The following NRP2 variants were observed in gnomAD, a reference collection of about 807,000 sequenced individuals.
The protein encoded by NRP2 is neuropilin-2.
In NRP2, 52 loss-of-function variants were observed where a neutral mutation model predicts 110.4. The ratio of observed to expected loss-of-function variants is 0.47; its 90% CI spans 0.38 to 0.59. The LOEUF is 0.59. Ranked by LOEUF, NRP2 falls within the 20% of genes least tolerant of loss-of-function variation. NRP2 has a pLI of 0.00. For synonymous variants in NRP2, 508 were observed against 468.9 expected, an observed-to-expected ratio of 1.08 and a Z score of -1.08; for missense variants, 1,049 against 1,203.0, an observed-to-expected ratio of 0.87 and a Z score of 1.89.
intron 3 of NRP2, chr2:205,722,200 C>T: frequency 2.0e-6 from 1 of 488,408 alleles, no homozygotes; most frequent in East Asian, 4.0e-5. Flanking sequence ...CACACACACA[C>T]ACACACACAC....
At chr2:205,783,160 G>T (rs1356281973) in intron 15 of NRP2, among the ~76,000 whole-genome samples, 1 of 152,108 alleles carries the variant, frequency 6.6e-6, no homozygotes, top group Admixed American at 6.5e-5. Flanking sequence ...AAGACCTTGG[G>T]CACTTTTAGC....
intron 15 of NRP2, among the ~76,000 whole-genome samples, chr2:205,773,967 G>A (rs991127794): frequency 2.6e-5 from 4 of 152,176 alleles, no homozygotes; most frequent in African/African-American, 9.7e-5. Context: ...CTTGATGGGT[G>A]AGCTGCAGCC....
intron 11 of NRP2, chr2:205,752,585 G>T (rs1349325483): frequency 2.0e-6 from 1 of 511,654 alleles, no homozygotes; most frequent in African/African-American, 1.9e-5. Context: ...AAGCCATTTG[G>T]TAGCCTCATT....
In NRP2 at chr2:205,725,986, C is replaced by T. The variant is rs760405926; in HGVS notation, c.894C>T (p.Thr298=). The stretch of plus-strand genomic sequence containing the variant: ...ATGAACAGATCAGTGCCTCATCTAC[C>T]TACTCTGATGGGAGGTGGACCCCTC... The part of the protein sequence containing the change: ...IANEQISASS[T]YSDGRWTPQQ... The change falls in exon 6 of 17, where the codon ACC becomes ACT. Residue 298 remains threonine, a synonymous_variant. Coordinates refer to ENST00000357785, the MANE Select transcript of NRP2 (RefSeq NM_003872.3). The surrounding 1 kb of genome is among the most constrained non-coding windows in gnomAD (Gnocchi z 4.1). 3 of 1,614,140 alleles carry T rather than the reference C, an allele frequency of 1.9e-6. No homozygotes were observed. Among genetic ancestry groups the T allele is most frequent in the South Asian group, 2.2e-5 (2 of 91,084 alleles).
intron 2 of NRP2, among the ~76,000 whole-genome samples, chr2:205,704,526 G>A (rs1224677876): frequency 2.0e-5 from 3 of 152,148 alleles, no homozygotes; most frequent in African/African-American, 4.8e-5. Flanking sequence ...CGTGGTGGAC[G>A]AATGGGAGCA....
intron 9 of NRP2, among the ~76,000 whole-genome samples, chr2:205,744,717 G>A (rs1273366477): frequency 2.0e-5 from 3 of 152,216 alleles, no homozygotes; most frequent in East Asian, 1.9e-4. Context: ...CTAAGCAAAT[G>A]TCTCCATTCT....
chr2:205,716,700 A>C (rs1264867366), intron 3 of NRP2, among the ~76,000 whole-genome samples: 5 of 152,198 alleles, frequency 3.3e-5, no homozygotes, highest in Admixed American at 3.3e-4. Context: ...CATGGGAAAA[A>C]GCAAAACTCT....
At position 205,726,030 on chromosome 2, in the gene NRP2, G is replaced by T. The variant is rs757566894; in HGVS notation, c.938G>T (p.Gly313Val). ...RWTPQQSRLH[G>V]DDNGWTPNLD... ...ACCCCTCAACAAAGCCGGCTCCATGGTGATGACAATGGCTGGACCCCCAAC... is the reference window on the plus strand; with the variant it reads ...ACCCCTCAACAAAGCCGGCTCCATGTTGATGACAATGGCTGGACCCCCAAC... The change falls in exon 6 of 17, where the codon GGT (glycine) becomes GTT (valine). Residue 313 changes from glycine to valine, a missense_variant. Physicochemically the swap from Gly to Val is moderately radical, Grantham distance 109. Transcript: ENST00000357785. The T allele has an allele frequency of 1.2e-6, 2 of 1,614,212 alleles. No homozygotes were observed. Among genetic ancestry groups the T allele is most frequent in the African/African-American group, 2.7e-5 (2 of 75,052 alleles).
In NRP2 at chr2:205,722,506, A is replaced by C; in HGVS notation, c.462A>C (p.Thr154=). Residue 154 remains threonine (T), a synonymous_variant, in exon 4 of 17, where the codon ACA becomes ACC. Transcript: ENST00000357785. ...CTGAAGATTGCTCAAAAAACTTCAC[A>C]AGCCCCAACGGGACCATCGAATCTC... ...TGSEDCSKNF[T]SPNGTIESPG... is the part of the protein sequence containing the mutation. The C allele has an allele frequency of 6.2e-7, 1 of 1,614,190 alleles. No homozygotes were observed. Among genetic ancestry groups the C allele is most frequent in the Non-Finnish European group, 8.5e-7 (1 of 1,180,032 alleles).
At chr2:205,750,240 G>C (rs2241156) in intron 11 of NRP2, among the ~76,000 whole-genome samples, 100,996 of 152,112 alleles carry the variant, frequency 0.66, 33,937 homozygotes, top group African/African-American at 0.75. Context: ...ATGCTACAGC[G>C]AAGTGAAGAT....
chr2:205,699,364 G>C (rs1218513593), intron 2 of NRP2, among the ~76,000 whole-genome samples: 4 of 152,226 alleles, frequency 2.6e-5, no homozygotes, highest in Non-Finnish European at 4.4e-5. Context: ...TGTACAGAGA[G>C]AGCCTGGGTC....
In NRP2 at chr2:205,697,719, CAAGT is replaced by C; in HGVS notation, c.251+2_251+5del. 1 of 1,613,948 alleles carries C rather than the reference CAAGT, an allele frequency of 6.2e-7. No individual in the cohort carries two copies. The highest frequency in any genetic ancestry group is 8.5e-7 in the Non-Finnish European group (1 of 1,179,962). Reference sequence around the variant, plus strand: ...ACTTTGAAATCGAGAAGCACGACTGCAAGTAAGCACCGTCCTGTCCCACTGTGTA... The same window carrying C: ...ACTTTGAAATCGAGAAGCACGACTGCAAGCACCGTCCTGTCCCACTGTGTA... On this transcript the variant is annotated splice_donor_variant and coding_sequence_variant, in exon 2 of 17. Transcript: ENST00000357785. LOFTEE classifies it high-confidence loss of function.
At chr2:205,709,748 A>C (rs761090344) in intron 2 of NRP2, among the ~76,000 whole-genome samples, 1 of 152,132 alleles carries the variant, frequency 6.6e-6, no homozygotes, top group African/African-American at 2.4e-5. Context: ...TCCCCAACCC[A>C]CTTACACTTG....
rs560546407 is a variant in NRP2 at position 205,710,643 on chromosome 2, C to G, written c.252-5550C>G. On this transcript the variant is annotated intron_variant, in intron 2 of 16. Coordinates refer to ENST00000357785, the MANE Select transcript of NRP2 (RefSeq NM_003872.3). ...AGGTGGCCTGGCTTCAGGCCTGAAC[C>G]GACCAGAGACCTCAGCATTGTGCAG... 2.4e-4 allele frequency among the ~76,000 whole-genome samples: 36 copies of G among 152,326 alleles called. 1 individual carries two copies. Among genetic ancestry groups the G allele is most frequent in the Non-Finnish European group, 4.7e-4 (32 of 68,026 alleles).
At chr2:205,781,760 A>G (rs2058176656) in intron 15 of NRP2, among the ~76,000 whole-genome samples, 1 of 152,198 alleles carries the variant, frequency 6.6e-6, no homozygotes, top group African/African-American at 2.4e-5. Flanking sequence ...AACAAATCCA[A>G]CCAGAGAAAA....
chr2:205,727,960 A>T lies in NRP2; in HGVS notation c.1060A>T (p.Asn354Tyr). 1.9e-6 allele frequency: 3 copies of T among 1,614,194 alleles called. No individual in the cohort carries two copies. The highest frequency in any genetic ancestry group is 1.7e-6 in the Non-Finnish European group (2 of 1,180,044). ...TQGAISRETQNGYYVKSYKLE... is the reference protein window; with the variant it reads ...TQGAISRETQYGYYVKSYKLE... ...GGGAGCGATTTCCAGGGAAACACAGAATGGCTACTATGTCAAATCCTACAA... is the reference window on the plus strand; with the variant it reads ...GGGAGCGATTTCCAGGGAAACACAGTATGGCTACTATGTCAAATCCTACAA... Residue 354 changes from asparagine (N) to tyrosine (Y), a missense_variant, in exon 7 of 17, where the codon AAT (asparagine) becomes TAT (tyrosine). Transcript: ENST00000357785.
At chr2:205,693,463 C>T (rs2056354964) in intron 1 of NRP2, among the ~76,000 whole-genome samples, 1 of 152,032 alleles carries the variant, frequency 6.6e-6, no homozygotes, top group Non-Finnish European at 1.5e-5. Flanking sequence ...CTCCCAGCAT[C>T]CAAGAAGAGC....
At chr2:205,762,556 C>G (rs2057841543) in intron 12 of NRP2, 1 of 152,236 alleles carries the variant, frequency 6.6e-6, no homozygotes, top group Admixed American at 6.5e-5. Context: ...TTAACATGAC[C>G]TCACACTAAC....
At chr2:205,732,244 G>A (rs987293475) in intron 7 of NRP2, among the ~76,000 whole-genome samples, 3 of 152,190 alleles carry the variant, frequency 2.0e-5, no homozygotes, top group African/African-American at 7.2e-5. Flanking sequence ...TGAGGATGGA[G>A]AGTTGAAAGG....
Sources: gnomAD v4.1 joint callset for allele counts (sites outside exome capture counted in the v4.1 genomes callset) on GRCh38, gnomAD v4.1.1 for gene constraint, Gnocchi (gnomAD v3.1) non-coding constraint, MANE v1.5 for transcripts, NCBI Gene and HGNC (gene_info 2026-07-23, HGNC 2026-07-21) for gene names.